The following SLC2A14 variants were observed in gnomAD, a reference collection of about 807,000 sequenced individuals.
The protein encoded by SLC2A14 is solute carrier family 2 member 14.
Under a neutral mutation model 43.0 loss-of-function variants are expected in SLC2A14, and 13 were observed. That is an observed-to-expected ratio of 0.30 (90% confidence interval 0.20 to 0.48). SLC2A14 has a LOEUF of 0.48. Ranked by LOEUF, SLC2A14 falls within the 20% of genes least tolerant of loss-of-function variation. SLC2A14 has a pLI of 0.99. For synonymous variants in SLC2A14, 190 were observed against 233.8 expected (o/e 0.81, Z 1.71); for missense variants, 428 against 620.4 (o/e 0.69, Z 3.29).
At chr12:7,859,746 A>C (rs1454137810) in intron 2 of SLC2A14, among the ~76,000 whole-genome samples, 1 of 152,164 alleles carries the variant, frequency 6.6e-6, no homozygotes, top group South Asian at 2.1e-4. Context: ...CACTGAAAAG[A>C]AGCTGAGTTT....
At chr12:7,835,573 G>A (rs113687362) in intron 2 of SLC2A14, among the ~76,000 whole-genome samples, 1 of 152,220 alleles carries the variant, frequency 6.6e-6, no homozygotes, top group South Asian at 2.1e-4. Context: ...TCTGCAGAAT[G>A]TAAATCTCAA....
chr12:7,838,505 C>T (rs1219579218), intron 2 of SLC2A14, among the ~76,000 whole-genome samples: 1 of 152,116 alleles, frequency 6.6e-6, no homozygotes, highest in Non-Finnish European at 1.5e-5. Context: ...AATGTCTAGC[C>T]TATGCCTGTC....
At chr12:7,825,687 C>G (rs1261499740) in intron 7 of SLC2A14, among the ~76,000 whole-genome samples, 15 of 142,994 alleles carry the variant, frequency 1.0e-4, no homozygotes, top group African/African-American at 3.9e-4. Context: ...CGCTTGAACC[C>G]GGAGGCAGAG....
chr12:7,819,404 C>T, intron 9 of SLC2A14, 78 bp downstream of exon 9: 1 of 1,535,514 alleles, frequency 6.5e-7, no homozygotes, highest in East Asian at 2.3e-5. Context: ...CCTTAACAAC[C>T]CACCCCTTGT....
intron 2 of SLC2A14, among the ~76,000 whole-genome samples, chr12:7,860,187 A>G (rs767736682): frequency 1.2e-4 from 18 of 152,248 alleles, no homozygotes; most frequent in Non-Finnish European, 1.6e-4. Flanking sequence ...TAGCACAGGT[A>G]CAGCTGAGGT....
chr12:7,828,609 G>A (rs1864709141), intron 6 of SLC2A14, 95 bp downstream of exon 6: 2 of 1,313,680 alleles, frequency 1.5e-6, no homozygotes, highest in Non-Finnish European at 2.1e-6. Flanking sequence ...CTGACGGGCA[G>A]GGAAAGGGTA....
At chr12:7,828,623 C>A in intron 6 of SLC2A14, 81 bp downstream of exon 6, 1 of 1,428,338 alleles carries the variant, frequency 7.0e-7, no homozygotes, top group Admixed American at 1.9e-5. Flanking sequence ...AAGGGTACGA[C>A]AGAAAATAGA....
rs1328726287 is a variant in SLC2A14, at chr12:7,883,987, A to G, written c.132+7009T>C. ...CGCCCAGGCTGGAGTGCAGTGGCACAATCTCGGCTCACTGCAAGCTCTGCT... is the reference window on the plus strand; with the variant it reads ...CGCCCAGGCTGGAGTGCAGTGGCACGATCTCGGCTCACTGCAAGCTCTGCT... On this transcript the variant is annotated intron_variant, in intron 1 of 9. Coordinates refer to the SLC2A14 transcript ENST00000539924. 2.7e-5 allele frequency among the ~76,000 whole-genome samples: 4 copies of G among 147,414 alleles called. No homozygotes were observed. In the East Asian group the frequency reaches 6.3e-4, roughly 23 times the overall value.
At chr12:7,844,217 G>C (rs1481177399) in intron 2 of SLC2A14, among the ~76,000 whole-genome samples, 1 of 152,098 alleles carries the variant, frequency 6.6e-6, no homozygotes, top group Non-Finnish European at 1.5e-5. Flanking sequence ...GAATTTTGTT[G>C]TTCTTGACCT....
At chr12:7,842,565 C>G (rs1451311820) in intron 2 of SLC2A14, among the ~76,000 whole-genome samples, 3 of 152,168 alleles carry the variant, frequency 2.0e-5, no homozygotes, top group Non-Finnish European at 4.4e-5. Flanking sequence ...TAACTTTTCT[C>G]TAGCAGTGCT....
intron 2 of SLC2A14, among the ~76,000 whole-genome samples, chr12:7,841,527 C>G (rs551744380): frequency 1.8e-4 from 28 of 152,238 alleles, no homozygotes; most frequent in South Asian, 1.5e-3. Context: ...TTCCAAAGTG[C>G]TAGGATTACA....
In SLC2A14 at chr12:7,814,152, T is replaced by G. The variant is rs1241037472; in HGVS notation, c.*164A>C. The G allele has an allele frequency of 1.5e-6, 2 of 1,324,924 alleles. No individual in the cohort carries two copies. Among genetic ancestry groups the G allele is most frequent in the South Asian group, 1.5e-5 (1 of 67,364 alleles). The allele number at this position is 1,324,924 out of a possible 1,614,324, so 82.1% of individuals were successfully genotyped here. A position where few individuals can be genotyped will look rare whatever the true frequency, so the allele number is the denominator to read the frequency against. On this transcript the variant is annotated 3_prime_UTR_variant, in exon 11 of 11. Transcript: ENST00000431042. The stretch of plus-strand genomic sequence containing the variant: ...ATAAAATTTAAAAAGCCATTGAAGA[T>G]CCAACAAACTGCAGCCTTGGGGTGC...
intron 1 of SLC2A14, among the ~76,000 whole-genome samples, chr12:7,880,702 AAAAAAAAAAAAAG>A (rs1260563772): frequency 1.5e-5 from 2 of 134,366 alleles, no homozygotes; most frequent in Non-Finnish European, 3.3e-5. Context: ...AAAAAAAAAA[AAAAAAAAAAAAAG>A]AGAGAAATTG....
intron 1 of SLC2A14, among the ~76,000 whole-genome samples, chr12:7,882,817 A>T (rs1481489625): frequency 6.6e-6 from 1 of 151,924 alleles, no homozygotes; most frequent in Non-Finnish European, 1.5e-5. Flanking sequence ...AGCCTGGGTG[A>T]TGAGTGAGGC....
Position 7,832,888 on chromosome 12 carries a change from T to C in SLC2A14, c.19-74A>G, listed in dbSNP as rs182849636. ...ATTGATGACTGTTTCTTATTAATTATGGAGCTGTATTAGGAGAATCTGACC... is the reference window on the plus strand; with the variant it reads ...ATTGATGACTGTTTCTTATTAATTACGGAGCTGTATTAGGAGAATCTGACC... On this transcript the variant is annotated intron_variant, in intron 2 of 10. Coordinates refer to ENST00000431042, the MANE Select transcript of SLC2A14 (RefSeq NM_001286234.2). The C allele has an allele frequency of 9.9e-4, 1,418 of 1,434,102 alleles. 12 individuals are homozygous for C. The African/African-American group carries it at 0.016, about 16-fold the overall frequency. The allele number at this position is 1,434,102 out of a possible 1,614,324, so 88.8% of individuals were successfully genotyped here.
upstream of SLC2A14, among the ~76,000 whole-genome samples, chr12:7,878,409 T>A (rs928120505): frequency 5.3e-5 from 8 of 151,246 alleles, no homozygotes; most frequent in Admixed American, 5.3e-4. Context: ...CAGGCACCCA[T>A]CACCATGCCT....
intron 6 of SLC2A14, among the ~76,000 whole-genome samples, chr12:7,827,996 G>T: frequency 6.6e-6 from 1 of 151,748 alleles, no homozygotes; most frequent in African/African-American, 2.4e-5. Flanking sequence ...ATTAGTCGCT[G>T]CTTTGTCTAT....
chr12:7,869,116 C>G (rs761514735), intron 2 of SLC2A14, among the ~76,000 whole-genome samples: 31 of 151,518 alleles, frequency 2.0e-4, no homozygotes, highest in African/African-American at 7.3e-4. Context: ...TGCGCTCTAG[C>G]CTGGGCAACA....
intron 1 of SLC2A14, among the ~76,000 whole-genome samples, chr12:7,870,305 T>A (rs1040404826): frequency 1.3e-5 from 2 of 152,148 alleles, no homozygotes; most frequent in Non-Finnish European, 2.9e-5. Context: ...TGTCATAAAA[T>A]TCTGTGATTT....
Sources: allele counts gnomAD v4.1 joint callset (sites outside exome capture counted in the v4.1 genomes callset), GRCh38; gene constraint gnomAD v4.1.1; transcripts MANE v1.5; gene names NCBI Gene and HGNC (gene_info 2026-07-23, HGNC 2026-07-21).